Variants in SORBS2 observed in about 807,000 individuals in gnomAD.
SORBS2 encodes sorbin and SH3 domain-containing protein 2.
Under a neutral mutation model 97.7 loss-of-function variants are expected in SORBS2, and 46 were observed. The ratio of observed to expected loss-of-function variants is 0.47; its 90% confidence interval spans 0.37 to 0.60. The LOEUF (loss-of-function observed/expected upper bound fraction) is 0.60. Ranked by LOEUF, SORBS2 falls within the 20% of genes least tolerant of loss-of-function variation. SORBS2 has a pLI of 0.00. For missense variants in SORBS2, 1,316 were observed against 1,282.3 expected (o/e 1.03, Z -0.40); for synonymous variants, 476 against 473.4 (o/e 1.01, Z -0.07).
chr4:185,735,767 T>C lies in SORBS2; in HGVS notation c.-198+39460A>G, dbSNP rs986580886. Among the ~76,000 whole-genome samples, 18 of 152,232 alleles carry C rather than the reference T, an allele frequency of 1.2e-4. No individual in the cohort carries two copies. In the South Asian group the frequency reaches 3.3e-3, roughly 28 times the overall value. On this transcript the variant is annotated intron_variant, in intron 2 of 20. Transcript: ENST00000284776. ...TCCATGATGAATTAAAATAAGTAGTTTACCTATAGATAACTAAAATTCTAT... is the reference window on the plus strand; with the variant it reads ...TCCATGATGAATTAAAATAAGTAGTCTACCTATAGATAACTAAAATTCTAT...
At chr4:185,797,615 G>T (rs755032350) in intron 1 of SORBS2, among the ~76,000 whole-genome samples, 1 of 152,118 alleles carries the variant, frequency 6.6e-6, no homozygotes, top group Non-Finnish European at 1.5e-5. Context: ...TAATCCTAAT[G>T]ATAATACTCA....
chr4:185,622,788 T>G, intron 7 of SORBS2, 126 bp downstream of exon 19: 1 of 934,320 alleles, frequency 1.1e-6, no homozygotes, highest in East Asian at 2.5e-5. Flanking sequence ...AAGTTTTTGC[T>G]TCACAACACA....
chr4:185,730,219 A>G (rs2098605017), intron 2 of SORBS2, among the ~76,000 whole-genome samples: 2 of 152,266 alleles, frequency 1.3e-5, no homozygotes, highest in South Asian at 2.1e-4. Flanking sequence ...ATGATATGGA[A>G]AAATATTCTC....
intron 4 of SORBS2, among the ~76,000 whole-genome samples, chr4:185,667,406 A>C (rs1008170228): frequency 1.3e-5 from 2 of 152,138 alleles, no homozygotes; most frequent in African/African-American, 2.4e-5. Flanking sequence ...TCAGACTTTT[A>C]CTTGAATACT....
chr4:185,725,397 T>A (rs1198935821), intron 2 of SORBS2, among the ~76,000 whole-genome samples: 1 of 152,234 alleles, frequency 6.6e-6, no homozygotes, highest in Non-Finnish European at 1.5e-5. Context: ...ACCTACCATG[T>A]AGAACTCTAT....
At chr4:185,638,142 A>C (rs747705544) in intron 4 of SORBS2, 1 of 1,610,252 alleles carries the variant, frequency 6.2e-7, no homozygotes, top group East Asian at 2.2e-5. Flanking sequence ...AATCTATGTC[A>C]TCTGGATTTA....
intron 2 of SORBS2, among the ~76,000 whole-genome samples, chr4:185,650,392 A>G (rs1225174143): frequency 2.0e-5 from 3 of 152,106 alleles, no homozygotes; most frequent in Admixed American, 2.0e-4. Flanking sequence ...CAGGGATGGT[A>G]TAGAAAAAAA....
At chr4:185,590,020 A>T (rs537582677) in intron 13 of SORBS2, among the ~76,000 whole-genome samples, 35 of 152,354 alleles carry the variant, frequency 2.3e-4, no homozygotes, top group Admixed American at 7.8e-4. Flanking sequence ...CAACATTTTG[A>T]AACTCACGAG....
At chr4:185,893,663 A>G (rs935388809) in intron 1 of SORBS2, among the ~76,000 whole-genome samples, 2 of 152,206 alleles carry the variant, frequency 1.3e-5, no homozygotes, top group African/African-American at 4.8e-5. Flanking sequence ...ATGAGACTCA[A>G]AAAAGGGTCA....
At chr4:185,635,285 C>T (rs1404698325) in intron 4 of SORBS2, 70 bp downstream of exon 16, 5 of 1,111,590 alleles carry the variant, frequency 4.5e-6, no homozygotes, top group Non-Finnish European at 6.8e-6. Context: ...TTGTAAAACA[C>T]AGATGTGCAG....
upstream of SORBS2, among the ~76,000 whole-genome samples, chr4:185,659,213 G>C (rs1363585341): frequency 6.6e-6 from 1 of 152,148 alleles, no homozygotes; most frequent in Admixed American, 6.5e-5. Flanking sequence ...TTTATGTGCA[G>C]TTTATGTGCT....
At chr4:185,907,229 C>A (rs1039199734) in intron 1 of SORBS2, among the ~76,000 whole-genome samples, 1 of 152,084 alleles carries the variant, frequency 6.6e-6, no homozygotes, top group African/African-American at 2.4e-5. Flanking sequence ...GAAGTCGAAC[C>A]ATGGAATAGA....
At chr4:185,863,644 A>T (rs2149717207) in intron 1 of SORBS2, among the ~76,000 whole-genome samples, 1 of 152,306 alleles carries the variant, frequency 6.6e-6, no homozygotes, top group Middle Eastern at 3.4e-3. Context: ...TTTAGAATTA[A>T]ACCTCCAGTT....
chr4:185,762,855 C>T (rs1282543293), intron 2 of SORBS2, among the ~76,000 whole-genome samples: 1 of 152,168 alleles, frequency 6.6e-6, no homozygotes, highest in African/African-American at 2.4e-5. Context: ...AAATACACCA[C>T]TCTGGCATAT....
chr4:185,654,462 C>T (rs1257602263), intron 1 of SORBS2, among the ~76,000 whole-genome samples: 2 of 152,154 alleles, frequency 1.3e-5, no homozygotes, highest in Non-Finnish European at 2.9e-5. Flanking sequence ...TATGGCAATA[C>T]ATGTTGACAG....
chr4:185,827,856 C>T (rs1462124540), intron 1 of SORBS2, among the ~76,000 whole-genome samples: 4 of 147,446 alleles, frequency 2.7e-5, no homozygotes, highest in Admixed American at 6.8e-5. Flanking sequence ...CCATCATCAG[C>T]GTCACCATCA....
chr4:185,735,624 C>A (rs68096877), intron 2 of SORBS2, among the ~76,000 whole-genome samples: 35,497 of 151,802 alleles, frequency 0.23, 4,846 homozygotes, highest in Non-Finnish European at 0.3. Context: ...GAAAATGCAT[C>A]TGTTTTTATG....
chr4:185,672,238 C>G (rs139022480), intron 4 of SORBS2, among the ~76,000 whole-genome samples: 1 of 152,232 alleles, frequency 6.6e-6, no homozygotes, highest in Non-Finnish European at 1.5e-5. Flanking sequence ...AGTTTCCTCT[C>G]CCTTCTACAT....
intron 1 of SORBS2, among the ~76,000 whole-genome samples, chr4:185,953,624 C>T (rs544852012): frequency 6.6e-5 from 10 of 152,168 alleles, no homozygotes; most frequent in East Asian, 1.9e-4. Context: ...AAGAGACTGG[C>T]GAGGGTGAGG....
Sources: allele counts gnomAD v4.1 joint callset (sites outside exome capture counted in the v4.1 genomes callset), GRCh38; gene constraint gnomAD v4.1.1; transcripts MANE v1.5; gene names NCBI Gene and HGNC (gene_info 2026-07-23, HGNC 2026-07-21).